The following MTERF4 variants were observed in gnomAD, a reference collection of about 807,000 sequenced individuals.
MTERF4 encodes mitochondrial transcription termination factor 4.
A neutral mutation model predicts 22.5 loss-of-function variants in MTERF4; 17 were observed. That is an observed-to-expected ratio of 0.75 (90% CI 0.52 to 1.13). MTERF4 has a LOEUF of 1.13. Among genes scored for constraint, MTERF4 ranks in the 50% most tolerant of loss-of-function variants. MTERF4 has a pLI of 0.00. For missense variants in MTERF4, 420 were observed against 466.8 expected (o/e 0.90, Z 0.92); for synonymous variants, 165 against 175.3 (o/e 0.94, Z 0.47).
chr2:241,050,358 C>A, the MTERF4 span, among the ~76,000 whole-genome samples: 1 of 152,188 alleles, frequency 6.6e-6, no homozygotes, highest in Non-Finnish European at 1.5e-5. Flanking sequence ...GCTATCCCCG[C>A]CAGGCCCCAC....
rs541991697 is a variant in MTERF4 at position 241,077,342 on chromosome 2, T to C, written n.480-1660A>G. Among the ~76,000 whole-genome samples the C allele has an allele frequency of 5.9e-5, 9 of 152,222 alleles. No homozygotes were observed. In the South Asian group the frequency reaches 1.9e-3, roughly 32 times the overall value. On this transcript the variant is annotated intron_variant and non_coding_transcript_variant, in intron 4 of 4. Coordinates refer to the MTERF4 transcript ENST00000464344. ...TCTTAGAAGAAAACATAGGAGTAAATCTTCATGACCTTCGATCATGAGGGT... is the reference window on the plus strand; with the variant it reads ...TCTTAGAAGAAAACATAGGAGTAAACCTTCATGACCTTCGATCATGAGGGT...
chr2:241,071,712 GCC>G, downstream of MTERF4: 1 of 903,718 alleles, frequency 1.1e-6, no homozygotes, highest in Non-Finnish European at 1.6e-6. Flanking sequence ...CCCCCACCCA[GCC>G]CCCCAGGTAC....
At chr2:241,089,475 C>T (rs556041464), downstream of MTERF4, 1 of 1,520,608 alleles carries the variant, frequency 6.6e-7, no homozygotes, top group Non-Finnish European at 8.8e-7. Flanking sequence ...GTCCACACCC[C>T]CTTGGGGGAA....
At chr2:241,087,209 A>C (rs1389451010), downstream of MTERF4, 5 of 585,108 alleles carry the variant, frequency 8.5e-6, no homozygotes, top group Non-Finnish European at 1.5e-5. Flanking sequence ...AATTTATTAC[A>C]AATCACATGA....
chr2:241,099,278 T>C, intron 2 of MTERF4, 118 bp downstream of exon 2: 6 of 1,144,674 alleles, frequency 5.2e-6, no homozygotes, highest in Non-Finnish European at 6.2e-6. Context: ...TTTCACCATG[T>C]TGGCCAGGCT....
At chr2:241,048,609 G>T in the MTERF4 span, 4 of 1,535,346 alleles carry the variant, frequency 2.6e-6, no homozygotes, top group East Asian at 7.2e-5. Flanking sequence ...TGGAGCGAGG[G>T]TGCCATCTTT....
At chr2:241,077,036 G>A (rs1170884436) in intron 4 of MTERF4, among the ~76,000 whole-genome samples, 6 of 150,256 alleles carry the variant, frequency 4.0e-5, no homozygotes, top group East Asian at 2.0e-4. Flanking sequence ...CTGAGATTGC[G>A]CCACTGCACT....
downstream of MTERF4, chr2:241,087,964 G>C (rs2063671446): frequency 2.5e-6 from 1 of 404,102 alleles, no homozygotes; most frequent in African/African-American, 2.1e-5. Context: ...CGTCCTCATA[G>C]ACCAATGAGT....
chr2:241,094,463 T>A (rs1391057637), downstream of MTERF4: 1 of 467,754 alleles, frequency 2.1e-6, no homozygotes, highest in African/African-American at 2.0e-5. The surrounding 1 kb of genome is among the most constrained non-coding windows in gnomAD (Gnocchi z 4.3). Flanking sequence ...TAGATTTCAG[T>A]GCTGAATCCC....
downstream of MTERF4, chr2:241,068,786 G>A: frequency 1.5e-6 from 1 of 667,202 alleles, no homozygotes; most frequent in Non-Finnish European, 2.6e-6. The surrounding 1 kb of genome is among the most constrained non-coding windows in gnomAD (Gnocchi z 5.3). Context: ...GAGGTTGCCT[G>A]GGCCACCAGC....
At chr2:241,046,488 G>A in the MTERF4 span, among the ~76,000 whole-genome samples, 1 of 152,214 alleles carries the variant, frequency 6.6e-6, no homozygotes, top group Admixed American at 6.5e-5. Flanking sequence ...ACCAATTATA[G>A]ATACATACGA....
chr2:241,076,221 C>A (rs1292747622), intron 4 of MTERF4, among the ~76,000 whole-genome samples: 1 of 152,150 alleles, frequency 6.6e-6, no homozygotes, highest in Non-Finnish European at 1.5e-5. Context: ...ATCCATTGAC[C>A]ATTTTTGTGA....
At chr2:241,077,091 A>G (rs1379502701) in intron 4 of MTERF4, among the ~76,000 whole-genome samples, 1 of 152,088 alleles carries the variant, frequency 6.6e-6, no homozygotes, top group Non-Finnish European at 1.5e-5. Flanking sequence ...AAAAAAAAAA[A>G]AAGAATTGAG....
chr2:241,094,713 C>G, downstream of MTERF4: 1 of 266,090 alleles, frequency 3.8e-6, no homozygotes, highest in South Asian at 3.5e-5. The surrounding 1 kb of genome is among the most constrained non-coding windows in gnomAD (Gnocchi z 4.3). Context: ...GTGGGACCAT[C>G]CTGTGCACTG....
chr2:241,089,236 G>A, downstream of MTERF4: 1 of 1,439,438 alleles, frequency 6.9e-7, no homozygotes, highest in Non-Finnish European at 9.3e-7. Flanking sequence ...ATCTCTGGTT[G>A]GCCTAGGACA....
Position 241,073,306 on chromosome 2 carries a change from C to G in MTERF4, n.2856G>C. On this transcript the variant is annotated non_coding_transcript_exon_variant, in exon 5 of 5. Transcript: ENST00000464344. This position sits in a 1 kb window ranked among gnomAD's most constrained non-coding sequence, Gnocchi z 6.6. The stretch of plus-strand genomic sequence containing the variant: ...CGCAGCTCGAGAACATGGAGGAAGC[C>G]CCCAAGCGGGTCAGCCTGGCCCTCC... The G allele has an allele frequency of 6.4e-7, 1 of 1,572,164 alleles. No individual in the cohort carries two copies. The highest frequency in any genetic ancestry group is 8.6e-7 in the Non-Finnish European group (1 of 1,160,024).
the MTERF4 span, among the ~76,000 whole-genome samples, chr2:241,056,439 TAACAAAATGGATAC>T: frequency 2.4e-3 from 357 of 151,048 alleles, 4 homozygotes; most frequent in African/African-American, 8.0e-3. Flanking sequence ...TGGATAGGCT[TAACAAAATGGATAC>T]AACAAAATGG....
chr2:241,087,933 CACAG>C (rs995039327), downstream of MTERF4: 51 of 407,734 alleles, frequency 1.3e-4, no homozygotes, highest in African/African-American at 1.0e-3. Context: ...CTTTAGAAAC[CACAG>C]AGTCGAAGCC....
chr2:241,064,807 A>G, the MTERF4 span: 101 of 1,447,908 alleles, frequency 7.0e-5, no homozygotes, highest in African/African-American at 1.4e-3. The surrounding 1 kb of genome is among the most constrained non-coding windows in gnomAD (Gnocchi z 7.0). Context: ...ACCCCTGGCC[A>G]CGCCCCAACA....
Sources: gnomAD v4.1 joint callset for allele counts (sites outside exome capture counted in the v4.1 genomes callset) on GRCh38, gnomAD v4.1.1 for gene constraint, Gnocchi (gnomAD v3.1) non-coding constraint, MANE v1.5 for transcripts, NCBI Gene and HGNC (gene_info 2026-07-23, HGNC 2026-07-21) for gene names.